XIRP2: variants seen among roughly 807,000 people sequenced by gnomAD.
XIRP2 encodes xin actin binding repeat containing 2.
Under a neutral mutation model 277.0 loss-of-function variants are expected in XIRP2, and 236 were observed. That is an observed-to-expected ratio of 0.85 (90% CI 0.77 to 0.95). The LOEUF (loss-of-function observed/expected upper bound fraction) is 0.95, where lower values mean the gene tolerates loss of function less well. XIRP2 is among the 40% of genes least tolerant of loss of function. The probability of loss-of-function intolerance (pLI) is 0.00; values close to 1 mark genes in which losing one functional copy is unlikely to be tolerated. For synonymous variants in XIRP2, 1,490 were observed against 1,416.5 expected (o/e 1.05, Z -1.17); for missense variants, 4,640 against 4,157.5 (o/e 1.12, Z -3.19).
intron 2 of XIRP2, among the ~76,000 whole-genome samples, chr2:167,014,232 A>T (rs1687761883): frequency 6.6e-6 from 1 of 151,670 alleles, no homozygotes; most frequent in Non-Finnish European, 1.5e-5. Flanking sequence ...GGACAGTCAA[A>T]AATTACTAGA....
chr2:166,947,819 A>C (rs1337890664), intron 2 of XIRP2, among the ~76,000 whole-genome samples: 3 of 152,148 alleles, frequency 2.0e-5, no homozygotes, highest in Admixed American at 6.6e-5. Flanking sequence ...TGTTTATAAA[A>C]ACTTTATTCA....
chr2:167,059,585 C>G (rs1689129173), intron 2 of XIRP2, among the ~76,000 whole-genome samples: 1 of 152,098 alleles, frequency 6.6e-6, no homozygotes. Flanking sequence ...ATAGTATTAG[C>G]AAAATCAACT....
intron 2 of XIRP2, among the ~76,000 whole-genome samples, chr2:166,934,936 G>T (rs1215140019): frequency 6.6e-6 from 1 of 152,074 alleles, no homozygotes; most frequent in Non-Finnish European, 1.5e-5. Flanking sequence ...GAAGCTATGT[G>T]AGGAGAATGG....
At chr2:166,949,228 G>A (rs1031957572) in intron 2 of XIRP2, among the ~76,000 whole-genome samples, 9 of 151,974 alleles carry the variant, frequency 5.9e-5, no homozygotes, top group Admixed American at 3.3e-4. Context: ...ACAGTATAGC[G>A]ATTCAAGAGT....
At chr2:167,153,393 A>AT (rs200958856) in intron 3 of XIRP2, among the ~76,000 whole-genome samples, 16,348 of 151,670 alleles carry the variant, frequency 0.11, 947 homozygotes, top group Middle Eastern at 0.16. Flanking sequence ...TGAACTCAAA[A>AT]TTTTTTTTAT....
chr2:166,935,452 T>C (rs957943667), intron 2 of XIRP2, among the ~76,000 whole-genome samples: 16 of 145,750 alleles, frequency 1.1e-4, no homozygotes, highest in African/African-American at 3.9e-4. Context: ...CTAGGGTACA[T>C]GTGCACAACG....
At chr2:167,174,967 A>T (rs533076445) in intron 3 of XIRP2, among the ~76,000 whole-genome samples, 5 of 152,054 alleles carry the variant, frequency 3.3e-5, no homozygotes, top group Admixed American at 3.3e-4. Flanking sequence ...TATGATTTCC[A>T]TTCTTTTGTA....
chr2:167,086,469 C>A (rs1297247483), intron 2 of XIRP2, among the ~76,000 whole-genome samples: 1 of 151,688 alleles, frequency 6.6e-6, no homozygotes, highest in Non-Finnish European at 1.5e-5. Flanking sequence ...CTCTGTATTT[C>A]CTGAATCTGA....
intron 2 of XIRP2, among the ~76,000 whole-genome samples, chr2:166,987,275 G>A (rs140046573): frequency 3.3e-5 from 5 of 152,170 alleles, no homozygotes; most frequent in African/African-American, 9.6e-5. Context: ...CCTACATAAG[G>A]GCTGGGACTA....
At chr2:166,925,786 G>C (rs1221364518) in intron 2 of XIRP2, among the ~76,000 whole-genome samples, 1 of 151,588 alleles carries the variant, frequency 6.6e-6, no homozygotes, top group Non-Finnish European at 1.5e-5. Flanking sequence ...TTTTTTGGCA[G>C]AGTGTGGTGG....
intron 2 of XIRP2, among the ~76,000 whole-genome samples, chr2:166,918,590 G>C (rs1212134733): frequency 6.6e-6 from 1 of 151,960 alleles, no homozygotes; most frequent in Non-Finnish European, 1.5e-5. Context: ...TTTATCTTTG[G>C]AAAGACTGAG....
chr2:167,030,835 A>C (rs1335130423), intron 2 of XIRP2, among the ~76,000 whole-genome samples: 1 of 152,032 alleles, frequency 6.6e-6, no homozygotes, highest in African/African-American at 2.4e-5. Context: ...AAGTCTCTTC[A>C]TAGGTCTCTA....
At chr2:166,981,676 C>T (rs1414488848) in intron 2 of XIRP2, among the ~76,000 whole-genome samples, 1 of 152,150 alleles carries the variant, frequency 6.6e-6, no homozygotes, top group Non-Finnish European at 1.5e-5. Flanking sequence ...GCTGGGCTTA[C>T]AGGCATGAGC....
Position 167,246,934 on chromosome 2 carries a change from C to A in XIRP2, c.5542C>A (p.Leu1848Ile), listed in dbSNP as rs2105440997. 1.2e-6 allele frequency: 2 copies of A among 1,613,414 alleles called. No homozygotes were observed. The highest frequency in any genetic ancestry group is 4.5e-5 in the East Asian group (2 of 44,820). Residue 1848 changes from leucine (L) to isoleucine (I), a missense_variant, in exon 9 of 11, where the codon CTC becomes ATC. By Grantham distance (5) the Leu-to-Ile change is conservative. Transcript: ENST00000409195. ...KGDLTSTLNS[L>I]SQAVNQKTVT... ...TGATTTGACATCAACCCTAAATTCCCTCAGCCAGGCTGTAAATCAGAAAAC... is the reference window on the plus strand; with the variant it reads ...TGATTTGACATCAACCCTAAATTCCATCAGCCAGGCTGTAAATCAGAAAAC...
chr2:167,258,470 C>T lies in XIRP2; in HGVS notation c.*653C>T, dbSNP rs766813734. On this transcript the variant is annotated 3_prime_UTR_variant, in exon 11 of 11. Transcript: ENST00000409195. ...AGGAAGGAAGAATGTGCAAGATAGGCCGAGTGAAGCTGAAGACACAAAGAG... is the reference window on the plus strand; with the variant it reads ...AGGAAGGAAGAATGTGCAAGATAGGTCGAGTGAAGCTGAAGACACAAAGAG... 3.1e-6 allele frequency: 5 copies of T among 1,612,870 alleles called. No individual in the cohort carries two copies. The highest frequency in any genetic ancestry group is 1.7e-5 in the Admixed American group (1 of 59,774).
chr2:166,897,884 T>C (rs893624454), intron 1 of XIRP2, among the ~76,000 whole-genome samples: 4 of 152,228 alleles, frequency 2.6e-5, no homozygotes, highest in Admixed American at 1.3e-4. Context: ...ACATGGGCTA[T>C]GCAGGGGCTT....
chr2:167,118,298 G>A (rs527491665), intron 2 of XIRP2, among the ~76,000 whole-genome samples: 1 of 151,952 alleles, frequency 6.6e-6, no homozygotes, highest in East Asian at 1.9e-4. Flanking sequence ...TGGCCAACAT[G>A]GTGAAACCCG....
At chr2:167,004,657 C>G (rs921515189) in intron 2 of XIRP2, among the ~76,000 whole-genome samples, 3 of 151,752 alleles carry the variant, frequency 2.0e-5, no homozygotes, top group African/African-American at 7.3e-5. Flanking sequence ...ATTTCAAGTA[C>G]AAATGTATAG....
intron 2 of XIRP2, among the ~76,000 whole-genome samples, chr2:167,128,317 G>A (rs1429873365): frequency 6.6e-6 from 1 of 152,056 alleles, no homozygotes; most frequent in Non-Finnish European, 1.5e-5. Flanking sequence ...TTCCATTGCA[G>A]TTGACCCTTG....
Sources: gnomAD v4.1 joint callset for allele counts (sites outside exome capture counted in the v4.1 genomes callset) on GRCh38, gnomAD v4.1.1 for gene constraint, MANE v1.5 for transcripts, NCBI Gene and HGNC (gene_info 2026-07-23, HGNC 2026-07-21) for gene names.